SAMSN1: variants seen among roughly 807,000 people sequenced by gnomAD.
SAMSN1 encodes the protein SAM domain, SH3 domain and nuclear localization signals 1, also known as SAM domain-containing protein SAMSN-1.
A neutral mutation model predicts 42.0 loss-of-function variants in SAMSN1; 31 were observed. The ratio of observed to expected loss-of-function variants is 0.74; its 90% CI spans 0.55 to 1.00. SAMSN1 has a LOEUF of 1.00. SAMSN1 is among the 50% of genes least tolerant of loss of function. The pLI is 0.00. For synonymous variants in SAMSN1, 178 were observed against 151.9 expected (o/e 1.17, Z -1.26); for missense variants, 464 against 439.4 (o/e 1.06, Z -0.50).
chr21:14,605,999 G>A (rs1330392572), intron 5 of SAMSN1, among the ~76,000 whole-genome samples: 1 of 151,630 alleles, frequency 6.6e-6, no homozygotes, highest in Non-Finnish European at 1.5e-5. Context: ...CCGCCACCAC[G>A]CCCGGCTAAT....
chr21:14,608,439 A>G (rs1982620214), intron 5 of SAMSN1, among the ~76,000 whole-genome samples: 1 of 152,204 alleles, frequency 6.6e-6, no homozygotes, highest in Non-Finnish European at 1.5e-5. Context: ...CATTCTGACT[A>G]GCCCCTCCAC....
intron 1 of SAMSN1, among the ~76,000 whole-genome samples, chr21:14,648,019 C>T (rs971654370): frequency 1.1e-4 from 16 of 149,638 alleles, no homozygotes; most frequent in Admixed American, 4.7e-4. Context: ...ACTTCCAACA[C>T]TATGTTGAAT....
intron 4 of SAMSN1, 38 bp from the exon 5 acceptor site, chr21:14,510,499 T>A (rs1399710373): frequency 6.2e-7 from 1 of 1,610,672 alleles, no homozygotes; most frequent in East Asian, 2.2e-5. Context: ...CATGGAAGAC[T>A]TATAACATTC....
upstream of SAMSN1, among the ~76,000 whole-genome samples, chr21:14,549,980 C>T (rs1980547075): frequency 6.6e-6 from 1 of 151,950 alleles, no homozygotes; most frequent in African/African-American, 2.4e-5. Context: ...GTACACATTG[C>T]CATCTGATGA....
At chr21:14,626,255 C>T (rs1196513901) in intron 2 of SAMSN1, among the ~76,000 whole-genome samples, 1 of 152,162 alleles carries the variant, frequency 6.6e-6, no homozygotes, top group Non-Finnish European at 1.5e-5. Context: ...AAAGCAATGG[C>T]AACAAAAGCC....
chr21:14,508,867 T>C (rs1021179499), intron 5 of SAMSN1, among the ~76,000 whole-genome samples: 1 of 152,122 alleles, frequency 6.6e-6, no homozygotes. Context: ...TGGTGGCTCA[T>C]GCCTGTAATC....
At chr21:14,519,799 A>G (rs1278655747) in intron 2 of SAMSN1, among the ~76,000 whole-genome samples, 1 of 152,186 alleles carries the variant, frequency 6.6e-6, no homozygotes, top group African/African-American at 2.4e-5. Flanking sequence ...AATCAGGTTC[A>G]ATGGTAAACA....
chr21:14,598,459 T>C (rs1169975861), intron 6 of SAMSN1, among the ~76,000 whole-genome samples: 1 of 152,186 alleles, frequency 6.6e-6, no homozygotes, highest in Admixed American at 6.5e-5. Context: ...AGATGTTCTT[T>C]ATAGTTGGTG....
intron 1 of SAMSN1, among the ~76,000 whole-genome samples, chr21:14,536,867 A>G (rs572121361): frequency 1.3e-5 from 2 of 152,306 alleles, no homozygotes; most frequent in East Asian, 3.9e-4. Flanking sequence ...TAAGTTACCT[A>G]TAAACATCCA....
chr21:14,492,019 T>G (rs1986709188), intron 7 of SAMSN1, among the ~76,000 whole-genome samples: 1 of 152,166 alleles, frequency 6.6e-6, no homozygotes, highest in African/African-American at 2.4e-5. Context: ...CCTTCAAAAC[T>G]ACTTCATTGT....
intron 3 of SAMSN1, chr21:14,615,835 C>A: frequency 3.1e-6 from 1 of 325,560 alleles, no homozygotes. Flanking sequence ...GCAAAGCAAT[C>A]CACATCTAGA....
chr21:14,577,261 TATATATATATATATATATA>T (rs1981519329), intron 2 of SAMSN1, among the ~76,000 whole-genome samples: 4 of 48,052 alleles, frequency 8.3e-5, no homozygotes, highest in East Asian at 4.2e-4. Context: ...TATATATATA[TATATATATATATATATATA>T]TATATTTTTT....
intron 1 of SAMSN1, among the ~76,000 whole-genome samples, chr21:14,543,378 A>G (rs568237059): frequency 6.6e-6 from 1 of 152,316 alleles, no homozygotes; most frequent in South Asian, 2.1e-4. Flanking sequence ...ACATGGTAAA[A>G]CTGTATTTTA....
chr21:14,656,385 G>A (rs559281018), intron 1 of SAMSN1, among the ~76,000 whole-genome samples: 9 of 151,820 alleles, frequency 5.9e-5, no homozygotes, highest in South Asian at 2.1e-4. Flanking sequence ...AAAGAATAAA[G>A]AATCCAAATA....
At chr21:14,534,182 T>C (rs537757347) in intron 1 of SAMSN1, among the ~76,000 whole-genome samples, 22 of 152,356 alleles carry the variant, frequency 1.4e-4, no homozygotes, top group African/African-American at 5.3e-4. Flanking sequence ...TGCAGATGAC[T>C]AATATTATCC....
At chr21:14,530,297 A>G (rs1302981296) in intron 1 of SAMSN1, among the ~76,000 whole-genome samples, 2 of 147,752 alleles carry the variant, frequency 1.4e-5, no homozygotes, top group Non-Finnish European at 3.0e-5. Context: ...AGCCTGGGCA[A>G]CAGAGCGAGA....
chr21:14,579,971 A>G (rs1178166950), intron 2 of SAMSN1, among the ~76,000 whole-genome samples: 1 of 152,204 alleles, frequency 6.6e-6, no homozygotes, highest in Non-Finnish European at 1.5e-5. Flanking sequence ...GATATTGTGA[A>G]TAGCAAATAG....
At chr21:14,513,020 C>T (rs1052733710) in intron 3 of SAMSN1, among the ~76,000 whole-genome samples, 1 of 152,126 alleles carries the variant, frequency 6.6e-6, no homozygotes, top group Non-Finnish European at 1.5e-5. Flanking sequence ...TTGCATCCTA[C>T]CAGATCACTA....
intron 3 of SAMSN1, among the ~76,000 whole-genome samples, chr21:14,513,573 G>C (rs1017115332): frequency 5.9e-5 from 9 of 152,168 alleles, no homozygotes; most frequent in Admixed American, 3.3e-4. Flanking sequence ...AACACAATAA[G>C]ACAATTTCAG....
Sources: allele counts gnomAD v4.1 joint callset (sites outside exome capture counted in the v4.1 genomes callset), GRCh38; gene constraint gnomAD v4.1.1; transcripts MANE v1.5; gene names NCBI Gene and HGNC (gene_info 2026-07-23, HGNC 2026-07-21).